Variants in ZNF469 observed in about 807,000 individuals in gnomAD.
The protein encoded by ZNF469 is zinc finger protein 469.
In ZNF469, 1 loss-of-function variant was observed where a neutral mutation model predicts 1.0. The observed-to-expected ratio is 1.00, with a 90% confidence interval of 0.35 to 4.73. The LOEUF is 4.73. Among genes scored for constraint, ZNF469 ranks in the 30% most tolerant of loss-of-function variants. The pLI is 0.16. For missense variants in ZNF469, 6,100 were observed against 5,356.3 expected, an observed-to-expected ratio of 1.14 and a Z score of -4.33; for synonymous variants, 2,703 against 2,363.4, an observed-to-expected ratio of 1.14 and a Z score of -4.17.
chr16:88,260,269 G>T, the ZNF469 span, among the ~76,000 whole-genome samples: 1 of 152,090 alleles, frequency 6.6e-6, no homozygotes, highest in African/African-American at 2.4e-5. The surrounding 1 kb of genome is among the most constrained non-coding windows in gnomAD (Gnocchi z 4.1). Flanking sequence ...GTTGACAGGC[G>T]CGAGCCACCG....
the ZNF469 span, among the ~76,000 whole-genome samples, chr16:88,300,928 G>A: frequency 6.6e-6 from 1 of 152,064 alleles, no homozygotes; most frequent in Admixed American, 6.5e-5. Flanking sequence ...AGCCAATCGT[G>A]GGGGCAGGTG....
At chr16:88,364,847 C>T in the ZNF469 span, among the ~76,000 whole-genome samples, 3 of 152,156 alleles carry the variant, frequency 2.0e-5, no homozygotes, top group Admixed American at 6.5e-5. Context: ...AGCCTGTAAT[C>T]CCATCTACTT....
At chr16:88,413,541 G>A (rs1426609191) in intron 1 of ZNF469, among the ~76,000 whole-genome samples, 1 of 152,260 alleles carries the variant, frequency 6.6e-6, no homozygotes, top group African/African-American at 2.4e-5. Context: ...CCGCCGTCCT[G>A]CCTGCCTGTG....
At chr16:88,397,210 C>T (rs1251173884) in intron 1 of ZNF469, among the ~76,000 whole-genome samples, 1 of 152,240 alleles carries the variant, frequency 6.6e-6, no homozygotes, top group Non-Finnish European at 1.5e-5. Context: ...CAGCAAAGGA[C>T]CCAGGGAAGC....
the ZNF469 span, among the ~76,000 whole-genome samples, chr16:88,144,852 T>C: frequency 6.6e-6 from 1 of 151,970 alleles, no homozygotes; most frequent in East Asian, 1.9e-4. Context: ...GCCCCCCTTT[T>C]TTTTTTTCTC....
upstream of ZNF469, among the ~76,000 whole-genome samples, chr16:88,382,836 C>T (rs1189606735): frequency 1.3e-5 from 2 of 152,046 alleles, no homozygotes; most frequent in African/African-American, 2.4e-5. Context: ...GCCTCAGGGC[C>T]CCCCATCGCC....
chr16:88,308,055 A>G, the ZNF469 span, among the ~76,000 whole-genome samples: 1 of 152,208 alleles, frequency 6.6e-6, no homozygotes, highest in Non-Finnish European at 1.5e-5. Context: ...TTGCACATGG[A>G]TATCCACTAG....
At chr16:88,230,781 C>T in the ZNF469 span, among the ~76,000 whole-genome samples, 8 of 152,208 alleles carry the variant, frequency 5.3e-5, no homozygotes, top group South Asian at 2.1e-4. Flanking sequence ...GCATCTGTCC[C>T]GCAGTCCCCA....
the ZNF469 span, among the ~76,000 whole-genome samples, chr16:88,158,599 C>T: frequency 9.6e-3 from 1,464 of 152,346 alleles, 36 homozygotes; most frequent in African/African-American, 0.034. Context: ...GCTGGACAAC[C>T]TGGCTGAAGC....
chr16:88,104,755 C>A, the ZNF469 span, among the ~76,000 whole-genome samples: 2 of 152,234 alleles, frequency 1.3e-5, no homozygotes, highest in East Asian at 3.9e-4. Context: ...CTTCTGTGAT[C>A]CCGTTTTCTG....
At chr16:88,184,680 G>T in the ZNF469 span, among the ~76,000 whole-genome samples, 3 of 151,928 alleles carry the variant, frequency 2.0e-5, no homozygotes, top group Non-Finnish European at 2.9e-5. Flanking sequence ...GATTAGGGAC[G>T]CTCCACGGAC....
the ZNF469 span, among the ~76,000 whole-genome samples, chr16:88,283,985 CG>C: frequency 1.3e-4 from 14 of 106,450 alleles, 2 homozygotes; most frequent in African/African-American, 5.3e-4. Flanking sequence ...TGGTAGACCC[CG>C]AGTGTGCCCG....
At chr16:88,241,836 G>A in the ZNF469 span, among the ~76,000 whole-genome samples, 1 of 152,208 alleles carries the variant, frequency 6.6e-6, no homozygotes, top group Admixed American at 6.5e-5. The surrounding 1 kb of genome is among the most constrained non-coding windows in gnomAD (Gnocchi z 4.8). Context: ...TGAGGGACCT[G>A]CTCCAGCAAG....
chr16:88,315,036 A>G, the ZNF469 span, among the ~76,000 whole-genome samples: 1 of 152,188 alleles, frequency 6.6e-6, no homozygotes. Flanking sequence ...GCTGGTGTGG[A>G]CTATCATCTC....
rs1905606201 is a variant in ZNF469 at position 88,424,269 on chromosome 16, C to G, written c.-191-538C>G. On this transcript the variant is annotated intron_variant, in intron 1 of 2. Transcript: ENST00000565624. This position sits in a 1 kb window ranked among gnomAD's most constrained non-coding sequence, Gnocchi z 4.3. The stretch of plus-strand genomic sequence containing the variant: ...GGATTATCTACAGGATATGTTGTTA[C>G]ATGAAAAAAAGGTCAGGTGCAGAAC... 6.6e-6 allele frequency among the ~76,000 whole-genome samples: 1 copy of G among 152,090 alleles called. No homozygotes were observed. The highest frequency in any genetic ancestry group is 1.5e-5 in the Non-Finnish European group (1 of 67,992).
At chr16:88,136,208 G>C in the ZNF469 span, among the ~76,000 whole-genome samples, 4 of 152,194 alleles carry the variant, frequency 2.6e-5, no homozygotes, top group Admixed American at 6.5e-5. Flanking sequence ...TCCTCTGCGT[G>C]GGGGAGGCTG....
chr16:88,198,976 T>G, the ZNF469 span, among the ~76,000 whole-genome samples: 4 of 152,210 alleles, frequency 2.6e-5, no homozygotes, highest in African/African-American at 9.6e-5. Flanking sequence ...CCTCATGTTC[T>G]CTGTTAGCTG....
chr16:88,293,960 C>A, the ZNF469 span, among the ~76,000 whole-genome samples: 22 of 152,188 alleles, frequency 1.4e-4, no homozygotes, highest in Non-Finnish European at 1.0e-4. Context: ...GACCACGAGA[C>A]GGCCTTTACT....
the ZNF469 span, among the ~76,000 whole-genome samples, chr16:88,144,228 G>T: frequency 2.0e-5 from 3 of 152,224 alleles, no homozygotes; most frequent in Non-Finnish European, 4.4e-5. Context: ...GGCGGGGGGC[G>T]TCTCTCTGGT....
Sources: gnomAD v4.1 joint callset for allele counts (sites outside exome capture counted in the v4.1 genomes callset) on GRCh38, gnomAD v4.1.1 for gene constraint, Gnocchi (gnomAD v3.1) non-coding constraint, MANE v1.5 for transcripts, NCBI Gene and HGNC (gene_info 2026-07-23, HGNC 2026-07-21) for gene names.